DLGAP4: variants seen among roughly 807,000 people sequenced by gnomAD.
DLGAP4 encodes disks large-associated protein 4.
In DLGAP4, 18 loss-of-function variants were observed where a neutral mutation model predicts 86.9. That is an observed-to-expected ratio of 0.21 (90% CI 0.14 to 0.31). The LOEUF is 0.31. Among genes scored for constraint, DLGAP4 ranks in the 10% least tolerant of loss-of-function variants. The pLI is 1.00. For missense variants in DLGAP4, 1,085 were observed against 1,362.6 expected (o/e 0.80, Z 3.21); for synonymous variants, 548 against 574.3 (o/e 0.95, Z 0.65).
intron 7 of DLGAP4, among the ~76,000 whole-genome samples, chr20:36,472,382 A>G (rs1258595511): frequency 3.3e-5 from 5 of 151,214 alleles, no homozygotes; most frequent in African/African-American, 9.7e-5. Context: ...GCACACCTGT[A>G]TTCTTAGCTG....
At chr20:36,355,174 T>A (rs984422011) in intron 1 of DLGAP4, among the ~76,000 whole-genome samples, 1 of 152,214 alleles carries the variant, frequency 6.6e-6, no homozygotes, top group South Asian at 2.1e-4. Flanking sequence ...ATCTGCTTTG[T>A]CTCTATAGTT....
intron 10 of DLGAP4, among the ~76,000 whole-genome samples, chr20:36,519,631 G>A (rs1220651026): frequency 6.6e-6 from 1 of 152,168 alleles, no homozygotes; most frequent in Non-Finnish European, 1.5e-5. Context: ...GGTTGATCAT[G>A]TGGCAGATCT....
chr20:36,385,175 G>A (rs1177933023), intron 2 of DLGAP4, among the ~76,000 whole-genome samples: 2 of 152,016 alleles, frequency 1.3e-5, no homozygotes, highest in Non-Finnish European at 2.9e-5. Flanking sequence ...CTAGCCCCAC[G>A]AAGATGAGGA....
chr20:36,455,528 G>A (rs2033857880), intron 7 of DLGAP4, among the ~76,000 whole-genome samples: 1 of 152,150 alleles, frequency 6.6e-6, no homozygotes, highest in African/African-American at 2.4e-5. Flanking sequence ...AGGCTGACCT[G>A]GGATGGGCTC....
At chr20:36,516,505 A>G (rs1191547893) in intron 10 of DLGAP4, among the ~76,000 whole-genome samples, 1 of 151,758 alleles carries the variant, frequency 6.6e-6, no homozygotes, top group Non-Finnish European at 1.5e-5. Context: ...ATCTTTACTA[A>G]AATACAAAAA....
chr20:36,418,598 A>G (rs1300694246), intron 2 of DLGAP4, among the ~76,000 whole-genome samples: 1 of 152,158 alleles, frequency 6.6e-6, no homozygotes, highest in African/African-American at 2.4e-5. Flanking sequence ...GCAGGTTTCA[A>G]TGGGGGTGGG....
At chr20:36,436,015 G>C in intron 3 of DLGAP4, 94 bp from the exon 4 acceptor site, 1 of 1,423,658 alleles carries the variant, frequency 7.0e-7, no homozygotes, top group Non-Finnish European at 9.1e-7. Flanking sequence ...GAATTCTGCA[G>C]GGAACGAGGG....
Position 36,528,233 on chromosome 20 carries a change from C to T in DLGAP4, c.*1202C>T, listed in dbSNP as rs1181901162. On this transcript the variant is annotated 3_prime_UTR_variant, in exon 13 of 13. Coordinates refer to ENST00000339266, the MANE Select transcript of DLGAP4 (RefSeq NM_001365621.2). ...TTTTCTGTTCTATTTTTTTTTTAAC[C>T]CCAATTATCCTTCTCTCTCTCCTGC... 1 of 151,814 alleles carries T rather than the reference C, an allele frequency of 6.6e-6. No homozygotes were observed. The highest frequency in any genetic ancestry group is 1.5e-5 in the Non-Finnish European group (1 of 67,942). The allele number at this position is 151,814 out of a possible 1,614,324, so 9.4% of individuals were successfully genotyped here.
intron 1 of DLGAP4, among the ~76,000 whole-genome samples, chr20:36,312,461 C>T (rs1286090141): frequency 2.6e-5 from 4 of 152,128 alleles, no homozygotes; most frequent in Non-Finnish European, 4.4e-5. Context: ...AGAAGGGCTG[C>T]GCAGGTCACC....
At chr20:36,390,595 C>A (rs987111577) in intron 2 of DLGAP4, among the ~76,000 whole-genome samples, 2 of 152,156 alleles carry the variant, frequency 1.3e-5, no homozygotes, top group African/African-American at 2.4e-5. Context: ...CACTGTACCC[C>A]CCTCTAGTCT....
At chr20:36,447,325 CTGCAGTGAGGG>C (rs1262348904) in intron 7 of DLGAP4, among the ~76,000 whole-genome samples, 2 of 152,166 alleles carry the variant, frequency 1.3e-5, no homozygotes, top group Non-Finnish European at 2.9e-5. Context: ...GCAGAGAAGC[CTGCAGTGAGGG>C]TGGGGTCTGC....
chr20:36,425,877 C>CA (rs1485244089), intron 2 of DLGAP4, among the ~76,000 whole-genome samples: 1 of 152,106 alleles, frequency 6.6e-6, no homozygotes, highest in Non-Finnish European at 1.5e-5. Context: ...CCAGCAATTC[C>CA]ACTTGGATAT....
At chr20:36,474,844 G>C (rs149976183) in intron 7 of DLGAP4, among the ~76,000 whole-genome samples, 2,495 of 152,316 alleles carry the variant, frequency 0.016, 32 homozygotes, top group Admixed American at 0.029. Flanking sequence ...TGAGTGCCAA[G>C]TGCTGTGCCA....
intron 10 of DLGAP4, among the ~76,000 whole-genome samples, chr20:36,519,655 T>C (rs2037254942): frequency 6.6e-6 from 1 of 152,240 alleles, no homozygotes; most frequent in Admixed American, 6.5e-5. Context: ...TCTCGCTTTC[T>C]GAGGAACCAC....
In DLGAP4 at chr20:36,424,525, G is replaced by A. The variant is rs557291561; in HGVS notation, c.-72-7121G>A. Among the ~76,000 whole-genome samples the A allele has an allele frequency of 5.9e-5, 9 of 152,252 alleles. No homozygotes were observed. The South Asian group carries it at 8.3e-4, about 14-fold the overall frequency. ...CCTTTGGCTGAGAGCAGCTCCTAGCGGGAACTTGGCTGTGAATTGTCAGCA... is the reference window on the plus strand; with the variant it reads ...CCTTTGGCTGAGAGCAGCTCCTAGCAGGAACTTGGCTGTGAATTGTCAGCA... On this transcript the variant is annotated intron_variant, in intron 2 of 12. Coordinates refer to ENST00000339266, the MANE Select transcript of DLGAP4 (RefSeq NM_001365621.2).
chr20:36,473,250 G>A (rs1600597829), intron 7 of DLGAP4: 1 of 152,212 alleles, frequency 6.6e-6, no homozygotes, highest in South Asian at 2.1e-4. Context: ...ACCTCCTATA[G>A]TTTCTTTTTG....
intron 1 of DLGAP4, among the ~76,000 whole-genome samples, chr20:36,346,176 A>C (rs1233101670): frequency 2.0e-5 from 3 of 152,228 alleles, no homozygotes; most frequent in Admixed American, 6.5e-5. Context: ...GGCCTCACCA[A>C]GACCACTGGG....
At chr20:36,437,159 C>T (rs1179014575) in intron 4 of DLGAP4, among the ~76,000 whole-genome samples, 1 of 152,212 alleles carries the variant, frequency 6.6e-6, no homozygotes, top group Non-Finnish European at 1.5e-5. Context: ...GGTTAGCTCC[C>T]TCCATGAGAT....
intron 7 of DLGAP4, among the ~76,000 whole-genome samples, chr20:36,455,241 C>T (rs1262864205): frequency 6.6e-6 from 1 of 151,738 alleles, no homozygotes; most frequent in African/African-American, 2.4e-5. Flanking sequence ...TCTTTGCCTT[C>T]TGTCTGTCTC....
Sources: allele counts gnomAD v4.1 joint callset (sites outside exome capture counted in the v4.1 genomes callset), GRCh38; gene constraint gnomAD v4.1.1; transcripts MANE v1.5; gene names NCBI Gene and HGNC (gene_info 2026-07-23, HGNC 2026-07-21).